Variants in DIP2A observed in about 807,000 individuals in gnomAD.
DIP2A encodes disco-interacting protein 2 homolog A.
In DIP2A, 85 loss-of-function variants were observed where a neutral mutation model predicts 177.4. That is an observed-to-expected ratio of 0.48 (90% CI 0.40 to 0.57). The LOEUF is 0.57. Ranked by LOEUF, DIP2A falls within the 20% of genes least tolerant of loss-of-function variation. DIP2A has a pLI of 0.00. For missense variants in DIP2A, 1,791 were observed against 2,100.2 expected (o/e 0.85, Z 2.88); for synonymous variants, 886 against 881.8 (o/e 1.00, Z -0.08).
intron 21 of DIP2A, chr21:46,547,347 T>A: frequency 3.8e-6 from 2 of 530,462 alleles, no homozygotes; most frequent in Non-Finnish European, 5.3e-6. Flanking sequence ...GAGAAATGGG[T>A]CTAAGTTCCT....
At chr21:46,551,569 A>G in intron 23 of DIP2A, 65 bp from the exon 24 acceptor site, 1 of 1,357,608 alleles carries the variant, frequency 7.4e-7, no homozygotes, top group Non-Finnish European at 1.0e-6. Context: ...AATTGTAAAT[A>G]AAATCACGTG....
At chr21:46,459,344 AC>A in intron 1 of DIP2A, 122 bp downstream of exon 1, 4 of 714,548 alleles carry the variant, frequency 5.6e-6, no homozygotes, top group Non-Finnish European at 7.9e-6. Flanking sequence ...CACCCCCGGG[AC>A]CCCCACGCGG....
chr21:46,497,561 TTTA>T (rs1322919403), intron 4 of DIP2A, among the ~76,000 whole-genome samples: 1 of 152,230 alleles, frequency 6.6e-6, no homozygotes. Flanking sequence ...TTGTTGTTGT[TTTA>T]TTGTTGGTAC....
chr21:46,530,887 AAG>A (rs2059328636), intron 9 of DIP2A, among the ~76,000 whole-genome samples: 1 of 152,152 alleles, frequency 6.6e-6, no homozygotes, highest in African/African-American at 2.4e-5. Context: ...GTAAAACTGA[AAG>A]AGAGTGGAAT....
chr21:46,534,206 G>A (rs1292337252), intron 12 of DIP2A, 93 bp downstream of exon 12: 7 of 1,049,002 alleles, frequency 6.7e-6, no homozygotes, highest in Non-Finnish European at 9.9e-6. Flanking sequence ...ATTCTTTTTT[G>A]TTAAGTTTCG....
intron 6 of DIP2A, among the ~76,000 whole-genome samples, chr21:46,508,928 AG>A (rs1268832995): frequency 6.6e-6 from 1 of 152,018 alleles, no homozygotes; most frequent in African/African-American, 2.4e-5. Flanking sequence ...CTGAGGCAAG[AG>A]AATCGCTTGA....
In DIP2A at chr21:46,569,715, A is replaced by G. The variant is rs1341340919; in HGVS notation, c.*2093A>G. On this transcript the variant is annotated 3_prime_UTR_variant, in exon 38 of 38. Coordinates refer to ENST00000417564, the MANE Select transcript of DIP2A (RefSeq NM_015151.4). ...AAAGTTATTGACTTTGTAATTCTGC[A>G]TTTTGAAATGTGTGAAAAGGGTCTT... The G allele has an allele frequency of 2.0e-5, 3 of 152,206 alleles. No individual in the cohort carries two copies. 9.4% of individuals were successfully genotyped at this position (152,206 alleles called of 1,614,324 possible). A position where few individuals can be genotyped will look rare whatever the true frequency, so the allele number is the denominator to read the frequency against.
At chr21:46,549,247 G>A (rs2060178504) in intron 21 of DIP2A, among the ~76,000 whole-genome samples, 1 of 152,118 alleles carries the variant, frequency 6.6e-6, no homozygotes, top group African/African-American at 2.4e-5. Context: ...TTGGTGGGGA[G>A]ACCATCTTCT....
chr21:46,545,390 C>A (rs1221969407), intron 19 of DIP2A, 117 bp downstream of exon 19: 2 of 1,265,730 alleles, frequency 1.6e-6, no homozygotes, highest in Non-Finnish European at 2.2e-6. Context: ...TCCTTCCACA[C>A]AGGCGCTGCT....
intron 8 of DIP2A, among the ~76,000 whole-genome samples, chr21:46,516,387 A>G (rs2058573573): frequency 6.8e-6 from 1 of 146,526 alleles, no homozygotes; most frequent in Non-Finnish European, 1.5e-5. Context: ...TACATTTTTA[A>G]TGTTCTTTTT....
At chr21:46,495,289 A>C (rs2057294088) in intron 3 of DIP2A, among the ~76,000 whole-genome samples, 2 of 106,902 alleles carry the variant, frequency 1.9e-5, no homozygotes, top group South Asian at 5.9e-4. Flanking sequence ...TGTTTTTGAG[A>C]TGGAGTTTCA....
intron 2 of DIP2A, among the ~76,000 whole-genome samples, chr21:46,489,108 TGG>T (rs1568953169): frequency 1.3e-5 from 2 of 151,642 alleles, no homozygotes; most frequent in African/African-American, 2.4e-5. Context: ...CGTGTGTGTG[TGG>T]GTGTGTGTGT....
In DIP2A at chr21:46,539,915, C is replaced by A. The variant is rs771918578; in HGVS notation, c.1960C>A (p.Gln654Lys). 3.7e-5 allele frequency: 59 copies of A among 1,613,928 alleles called. No individual in the cohort carries two copies. In the Middle Eastern group the frequency reaches 9.9e-4, roughly 27 times the overall value. ...CTGTGACGCCTTCCTCAACGTCTTC[C>A]AGTCCAGAGGTCTGAGGCCAGAGGT... ...SSCDAFLNVF[Q>K]SRGLRPEVIC... The change falls in exon 17 of 38, where the codon CAG (glutamine) becomes AAG (lysine). Residue 654 changes from glutamine to lysine, a missense_variant. Coordinates refer to ENST00000417564, the MANE Select transcript of DIP2A (RefSeq NM_015151.4).
intron 3 of DIP2A, among the ~76,000 whole-genome samples, chr21:46,493,564 T>C (rs999469860): frequency 2.1e-4 from 32 of 152,230 alleles, no homozygotes; most frequent in Non-Finnish European, 3.5e-4. Flanking sequence ...TTTAACACTT[T>C]TTGTCTTCAA....
At chr21:46,539,554 G>A (rs1398527226) in intron 16 of DIP2A, 9 of 380,642 alleles carry the variant, frequency 2.4e-5, no homozygotes, top group Non-Finnish European at 4.1e-5. Context: ...TCTTCCCATG[G>A]CACTCCCCTG....
chr21:46,573,211 A>G (rs1409123878), downstream of DIP2A, among the ~76,000 whole-genome samples: 1 of 152,162 alleles, frequency 6.6e-6, no homozygotes, highest in African/African-American at 2.4e-5. Context: ...AAGTGACAGA[A>G]GTAAGTCTCT....
intron 8 of DIP2A, among the ~76,000 whole-genome samples, chr21:46,528,410 T>G (rs2059197152): frequency 6.6e-6 from 1 of 151,864 alleles, no homozygotes; most frequent in Non-Finnish European, 1.5e-5. Flanking sequence ...GGGTGAAGTA[T>G]CTCATTTCTT....
intron 1 of DIP2A, among the ~76,000 whole-genome samples, chr21:46,465,068 T>C (rs2054691871): frequency 6.6e-6 from 1 of 152,162 alleles, no homozygotes; most frequent in Non-Finnish European, 1.5e-5. Context: ...AATAAATTGC[T>C]GAAAAGAAAC....
rs369819200 is a variant in DIP2A at position 46,515,830 on chromosome 21, C to T, written c.1102+4216C>T. ...GGATTACAGGCGTGAGCTCCCATGC[C>T]CGGCCCATTGTTTTTTGTTTGTTTG... is the stretch of plus-strand genomic sequence containing the variant. On this transcript the variant is annotated intron_variant, in intron 8 of 37. Coordinates refer to ENST00000417564, the MANE Select transcript of DIP2A (RefSeq NM_015151.4). 3.9e-4 allele frequency among the ~76,000 whole-genome samples: 60 copies of T among 152,214 alleles called. No homozygotes were observed. The East Asian group carries it at 0.011, about 27-fold the overall frequency.
Sources: allele counts gnomAD v4.1 joint callset (sites outside exome capture counted in the v4.1 genomes callset), GRCh38; gene constraint gnomAD v4.1.1; transcripts MANE v1.5; gene names NCBI Gene and HGNC (gene_info 2026-07-23, HGNC 2026-07-21).